LAMP5: variants seen among roughly 807,000 people sequenced by gnomAD.
LAMP5 encodes lysosome-associated membrane glycoprotein 5.
LAMP5 carries 36 observed loss-of-function variants against 30.2 expected under a neutral mutation model. That is an observed-to-expected ratio of 1.19 (90% CI 0.91 to 1.57). The LOEUF (loss-of-function observed/expected upper bound fraction) is 1.57. LAMP5 is among the 40% of genes most tolerant of loss of function. The pLI is 0.00. For missense variants in LAMP5, 377 were observed against 354.9 expected (o/e 1.06, Z -0.50); for synonymous variants, 149 against 134.6 (o/e 1.11, Z -0.74).
intron 4 of LAMP5, 75 bp from the exon 5 acceptor site, chr20:9,517,965 G>A: frequency 7.4e-7 from 1 of 1,348,520 alleles, no homozygotes; most frequent in Middle Eastern, 2.6e-4. Context: ...GAACTGAGAG[G>A]CAATAGCCAG....
Position 9,529,706 on chromosome 20 carries a change from C to T in LAMP5, c.729C>T (p.Leu243=), listed in dbSNP as rs2045137232. Reference sequence around the variant, plus strand: ...AAACCTTGCCCCTGATTTTGGGGCTCATCTTGGGCCTCGTCATCATGGTAA... The same window carrying T: ...AAACCTTGCCCCTGATTTTGGGGCTTATCTTGGGCCTCGTCATCATGGTAA... The part of the protein sequence containing the change: ...LEETLPLILG[L]ILGLVIMVTL... The change falls in exon 6 of 6, where the codon CTC becomes CTT. Residue 243 remains leucine (L), a synonymous_variant. Coordinates refer to ENST00000246070, the MANE Select transcript of LAMP5 (RefSeq NM_012261.4). 6.2e-7 allele frequency: 1 copy of T among 1,614,148 alleles called. No homozygotes were observed.
At chr20:9,519,816 C>A (rs189485041) in intron 5 of LAMP5, among the ~76,000 whole-genome samples, 1 of 152,282 alleles carries the variant, frequency 6.6e-6, no homozygotes, top group African/African-American at 2.4e-5. Context: ...TGTTACTAGG[C>A]GCTTCTTTAC....
chr20:9,516,993 G>C (rs2122830651), intron 4 of LAMP5, among the ~76,000 whole-genome samples: 1 of 152,162 alleles, frequency 6.6e-6, no homozygotes, highest in South Asian at 2.1e-4. Flanking sequence ...TGCAGACACC[G>C]TCAAAGACCA....
intron 5 of LAMP5, among the ~76,000 whole-genome samples, chr20:9,525,798 T>G (rs750630235): frequency 2.0e-5 from 3 of 152,158 alleles, no homozygotes; most frequent in Non-Finnish European, 4.4e-5. Flanking sequence ...CCTGAATACT[T>G]GTAGTTGGGG....
At chr20:9,524,354 A>G (rs1212085052) in intron 5 of LAMP5, among the ~76,000 whole-genome samples, 1 of 152,176 alleles carries the variant, frequency 6.6e-6, no homozygotes, top group African/African-American at 2.4e-5. Flanking sequence ...GTTTTAAATG[A>G]AACAGAATAG....
chr20:9,515,130 AC>A (rs2045026280), intron 1 of LAMP5: 1 of 608,888 alleles, frequency 1.6e-6, no homozygotes, highest in African/African-American at 1.8e-5. Flanking sequence ...CATATTCCAG[AC>A]AGAGCCTAGA....
rs558774962 is a variant in LAMP5, at chr20:9,518,279, G to A, written c.664+51G>A. ...AGAAGACCTAGTTTATTTCAGGAAGGATGAGAGAGGGACCTACCAGGGCCC... is the reference window on the plus strand; with the variant it reads ...AGAAGACCTAGTTTATTTCAGGAAGAATGAGAGAGGGACCTACCAGGGCCC... On this transcript the variant is annotated intron_variant, in intron 5 of 5. Transcript: ENST00000246070. 208 of 1,551,024 alleles carry A rather than the reference G, an allele frequency of 1.3e-4. 2 individuals are homozygous for A. In the South Asian group the frequency reaches 2.2e-3, roughly 16 times the overall value.
rs1222709185 is a variant in LAMP5, at chr20:9,526,858, GTGTATATATATATATATATA to G, written c.665-2782_665-2763del. ...TAGATACATATACATATGTGTGTGT[GTGTATATATATATATATATA>G]TATATATATATATATATATATATAC... On this transcript the variant is annotated intron_variant, in intron 5 of 5. Coordinates refer to ENST00000246070, the MANE Select transcript of LAMP5 (RefSeq NM_012261.4). Among the ~76,000 whole-genome samples the G allele has an allele frequency of 9.3e-3, 844 of 90,650 alleles. 10 individuals carry two copies. Among genetic ancestry groups the G allele is most frequent in the African/African-American group, 0.032 (810 of 25,276 alleles). 59.5% of individuals were successfully genotyped at this position (90,650 alleles called of 152,430 possible). A position where few individuals can be genotyped will look rare whatever the true frequency, so the allele number is the denominator to read the frequency against.
chr20:9,515,343 G>T (rs2045028040), intron 1 of LAMP5, 110 bp from the exon 2 acceptor site: 2 of 976,298 alleles, frequency 2.0e-6, no homozygotes, highest in Non-Finnish European at 3.0e-6. Context: ...ACAGCTGCTG[G>T]CAGAGAACTT....
chr20:9,515,846 C>A (rs549302523), intron 2 of LAMP5, among the ~76,000 whole-genome samples, 154 bp from the exon 3 acceptor site: 5 of 152,222 alleles, frequency 3.3e-5, no homozygotes, highest in South Asian at 2.1e-4. Context: ...CGGGGCTGCA[C>A]GTAGAGCATC....
chr20:9,523,164 G>A (rs1307871613), intron 5 of LAMP5, among the ~76,000 whole-genome samples: 1 of 151,918 alleles, frequency 6.6e-6, no homozygotes, highest in East Asian at 1.9e-4. Flanking sequence ...CATCTTAACA[G>A]CTTCTCAGTA....
chr20:9,529,616 T>G lies in LAMP5; in HGVS notation c.665-26T>G, dbSNP rs2232268. The G allele has an allele frequency of 1.9e-6, 3 of 1,606,594 alleles. No homozygotes were observed. The African/African-American group carries it at 4.0e-5, about 22-fold the overall frequency. On this transcript the variant is annotated intron_variant, in intron 5 of 5. Transcript: ENST00000246070. The stretch of plus-strand genomic sequence containing the variant: ...ATTCAGGATGTTTTGACCAGAGCTC[T>G]CTGCTTTTCTTCTTTCCCATTGCAG...
At chr20:9,515,249 T>G (rs1387442042) in intron 1 of LAMP5, among the ~76,000 whole-genome samples, 1 of 151,738 alleles carries the variant, frequency 6.6e-6, no homozygotes, top group East Asian at 1.9e-4. Flanking sequence ...ATTTTTAATT[T>G]TTTTAACTGT....
At chr20:9,528,383 A>G (rs184750613) in intron 5 of LAMP5, among the ~76,000 whole-genome samples, 2 of 152,164 alleles carry the variant, frequency 1.3e-5, no homozygotes, top group African/African-American at 4.8e-5. Flanking sequence ...GAGTACAAAC[A>G]TATAGTTAGA....
rs2045035829 is a variant in LAMP5 at position 9,516,055 on chromosome 20, G to T, written c.293G>T (p.Arg98Leu). ...ALTRGAEVKG[R>L]CGHSQSELQV... ...ACCCGGGGAGCTGAGGTGAAGGGCC[G>T]CTGTGGCCACAGCCAGTCGGAGCTG... Residue 98 changes from arginine (R) to leucine (L), a missense_variant, in exon 3 of 6, where the codon CGC becomes CTC. Transcript: ENST00000246070. 6.5e-7 allele frequency: 1 copy of T among 1,541,478 alleles called. No individual in the cohort carries two copies. Among genetic ancestry groups the T allele is most frequent in the South Asian group, 1.3e-5 (1 of 77,036 alleles).
chr20:9,514,779 C>A lies in LAMP5; in HGVS notation c.-74C>A, dbSNP rs577572002. The A allele has an allele frequency of 4.5e-3, 6,456 of 1,425,430 alleles. 10 individuals carry two copies. Among genetic ancestry groups the A allele is most frequent in the Non-Finnish European group, 5.3e-3 (5,371 of 1,014,522 alleles). The allele number at this position is 1,425,430 out of a possible 1,614,324, so 88.3% of individuals were successfully genotyped here. On this transcript the variant is annotated 5_prime_UTR_variant, in exon 1 of 6. Coordinates refer to ENST00000246070, the MANE Select transcript of LAMP5 (RefSeq NM_012261.4). ...TCTCGCTCACCCCGGCCCACTCCAG[C>A]GGCGACTTTGAGGGATTCCCTCTCT... is the stretch of plus-strand genomic sequence containing the variant.
intron 5 of LAMP5, among the ~76,000 whole-genome samples, chr20:9,522,275 G>C (rs575978904): frequency 6.6e-6 from 1 of 152,258 alleles, no homozygotes; most frequent in African/African-American, 2.4e-5. Flanking sequence ...ACCCAGATCT[G>C]CGGGAACTTT....
At chr20:9,529,161 C>T (rs965640223) in intron 5 of LAMP5, among the ~76,000 whole-genome samples, 2 of 152,150 alleles carry the variant, frequency 1.3e-5, no homozygotes, top group Non-Finnish European at 2.9e-5. Flanking sequence ...AATTATCGAA[C>T]AGTTTTGCAG....
rs116662836 is a variant in LAMP5, at chr20:9,517,855, A to C, written c.476-185A>C. Among the ~76,000 whole-genome samples, 1,106 of 152,294 alleles carry C rather than the reference A, an allele frequency of 7.3e-3. 18 individuals are homozygous for C. Among genetic ancestry groups the C allele is most frequent in the African/African-American group, 0.025 (1,056 of 41,550 alleles). On this transcript the variant is annotated intron_variant, in intron 4 of 5. Coordinates refer to ENST00000246070, the MANE Select transcript of LAMP5 (RefSeq NM_012261.4). ...TAATATTGAAAGAGCCCTGGCTCTC[A>C]AGATAATGGGTGTGTTTGTCCTTCA... is the stretch of plus-strand genomic sequence containing the variant.
Sources: gnomAD v4.1 joint callset for allele counts (sites outside exome capture counted in the v4.1 genomes callset) on GRCh38, gnomAD v4.1.1 for gene constraint, MANE v1.5 for transcripts, NCBI Gene and HGNC (gene_info 2026-07-23, HGNC 2026-07-21) for gene names.